The following STARD9 variants were observed in gnomAD, a reference collection of about 807,000 sequenced individuals.
The protein encoded by STARD9 is StAR related lipid transfer domain containing 9, also known as stAR-related lipid transfer protein 9.
Under a neutral mutation model 399.8 loss-of-function variants are expected in STARD9, and 346 were observed. The ratio of observed to expected loss-of-function variants is 0.87; its 90% confidence interval spans 0.79 to 0.95. The LOEUF (loss-of-function observed/expected upper bound fraction) is 0.95, where lower values mean the gene tolerates loss of function less well. Among genes scored for constraint, STARD9 ranks in the 40% least tolerant of loss-of-function variants. The pLI, the probability that STARD9 is intolerant of heterozygous loss-of-function variation, is 0.00. For missense variants in STARD9, 5,832 were observed against 5,667.5 expected, an observed-to-expected ratio of 1.03 and a Z score of -0.93; for synonymous variants, 2,203 against 2,143.5, an observed-to-expected ratio of 1.03 and a Z score of -0.77.
chr15:42,646,038 G>A (rs917888458), intron 7 of STARD9, among the ~76,000 whole-genome samples: 1 of 152,066 alleles, frequency 6.6e-6, no homozygotes, highest in Non-Finnish European at 1.5e-5. Flanking sequence ...GCTGGTGCCT[G>A]TAATTCCAGC....
chr15:42,690,909 C>A lies in STARD9; in HGVS notation c.9331C>A (p.Pro3111Thr). 2 of 1,537,116 alleles carry A rather than the reference C, an allele frequency of 1.3e-6. No individual in the cohort carries two copies. Among genetic ancestry groups the A allele is most frequent in the Middle Eastern group, 1.7e-4 (1 of 5,990 alleles). Residue 3111 changes from proline (P) to threonine (T), a missense_variant, in exon 23 of 33, where the codon CCC becomes ACC. Coordinates refer to ENST00000290607, the MANE Select transcript of STARD9 (RefSeq NM_020759.3). ...TTTCCCTGCAGGCATGTACTCTGAGCCCCTGAGGCAGTTTAGGGACAGCTC... is the reference window on the plus strand; with the variant it reads ...TTTCCCTGCAGGCATGTACTCTGAGACCCTGAGGCAGTTTAGGGACAGCTC... ...ASFPAGMYSEPLRQFRDSSVG... is the reference protein window; with the variant it reads ...ASFPAGMYSETLRQFRDSSVG...
intron 3 of STARD9, among the ~76,000 whole-genome samples, chr15:42,624,553 CTT>C (rs11314415): frequency 7.0e-5 from 10 of 142,760 alleles, no homozygotes; most frequent in South Asian, 2.2e-4. Context: ...TTTCTGTTGT[CTT>C]TTTTTTTTTT....
chr15:42,593,896 C>A (rs1037735636), intron 3 of STARD9, among the ~76,000 whole-genome samples: 86 of 151,812 alleles, frequency 5.7e-4, no homozygotes, highest in African/African-American at 2.0e-3. Context: ...TCTTGATCTC[C>A]TGACCTCATG....
intron 3 of STARD9, among the ~76,000 whole-genome samples, chr15:42,610,635 G>A (rs1490155926): frequency 6.6e-6 from 1 of 152,016 alleles, no homozygotes. Context: ...TGCAACCTCC[G>A]CCGCCCGGGT....
rs1480665710 is a variant in STARD9, at chr15:42,694,426, T to A, written c.12764+84T>A. The A allele has an allele frequency of 3.3e-6, 5 of 1,527,122 alleles. No individual in the cohort carries two copies. The Admixed American group carries it at 7.8e-5, about 24-fold the overall frequency. The allele number at this position is 1,527,122 out of a possible 1,614,324, so 94.6% of individuals were successfully genotyped here. A position where few individuals can be genotyped will look rare whatever the true frequency, so the allele number is the denominator to read the frequency against. On this transcript the variant is annotated intron_variant, in intron 23 of 32. Coordinates refer to ENST00000290607, the MANE Select transcript of STARD9 (RefSeq NM_020759.3). ...CCAAGAAAGCTAATAGCTTGCTGTTTCCTCTGCCCTGGTTCATCTCTGGGA... is the reference window on the plus strand; with the variant it reads ...CCAAGAAAGCTAATAGCTTGCTGTTACCTCTGCCCTGGTTCATCTCTGGGA...
chr15:42,693,453 G>A lies in STARD9; in HGVS notation c.11875G>A (p.Gly3959Ser). 6.5e-7 allele frequency: 1 copy of A among 1,537,240 alleles called. No homozygotes were observed. Among genetic ancestry groups the A allele is most frequent in the Non-Finnish European group, 8.7e-7 (1 of 1,146,914 alleles). The stretch of plus-strand genomic sequence containing the variant: ...TTATTCCCAAACCACTGACGAGTTA[G>A]GTGGCTCCCAGAGAGGTAGAAGTTC... ...DNYSQTTDEL[G>S]GSQRGRSSLQ... Residue 3959 changes from glycine to serine, a missense_variant, in exon 23 of 33, where the codon GGT (glycine) becomes AGT (serine). Around this residue, in one of 2 missense-constraint regions of STARD9, gnomAD observed 5,828 missense variants for 5,651.1 expected, o/e 1.03. Transcript: ENST00000290607.
intron 3 of STARD9, among the ~76,000 whole-genome samples, chr15:42,592,351 T>C (rs1451966629): frequency 1.3e-5 from 2 of 152,164 alleles, no homozygotes; most frequent in African/African-American, 4.8e-5. Flanking sequence ...AAGACTATAG[T>C]GAATGGGATG....
chr15:42,693,565 T>C lies in STARD9; in HGVS notation c.11987T>C (p.Leu3996Ser). The C allele has an allele frequency of 6.5e-7, 1 of 1,537,270 alleles. No individual in the cohort carries two copies. Among genetic ancestry groups the C allele is most frequent in the South Asian group, 1.2e-5 (1 of 84,054 alleles). The change falls in exon 23 of 33, where the codon TTA becomes TCA. Residue 3996 changes from leucine (L) to serine (S), a missense_variant. Leu to Ser is a moderately radical substitution (Grantham distance 145). Transcript: ENST00000290607. ...AGTCCAAAACTCCAATTTAGTTTCT[T>C]AGGGCAGCACCCTCAGCAGCTTCAG... The part of the protein sequence containing the change: ...QQSPKLQFSF[L>S]GQHPQQLQPR...
intron 26 of STARD9, among the ~76,000 whole-genome samples, chr15:42,711,586 A>G (rs1022837070): frequency 2.0e-5 from 3 of 152,170 alleles, no homozygotes; most frequent in Admixed American, 6.5e-5. Flanking sequence ...ATACTTCAAC[A>G]TATTTTCAGT....
chr15:42,691,117 A>G lies in STARD9; in HGVS notation c.9539A>G (p.Glu3180Gly), dbSNP rs1010689645. 2.6e-6 allele frequency: 4 copies of G among 1,537,142 alleles called. No homozygotes were observed. The African/African-American group carries it at 5.5e-5, about 21-fold the overall frequency. The change falls in exon 23 of 33, where the codon GAG becomes GGG. Residue 3180 changes from glutamate (E) to glycine (G), a missense_variant. Glu to Gly is a moderately conservative substitution (Grantham distance 98). Transcript: ENST00000290607. ...CFLEKPQFST[E>G]LRDHNRLDSQ... ...TTGGAAAAGCCACAATTTTCCACTG[A>G]GTTGAGGGATCACAATCGCTTGGAT...
At chr15:42,713,802 G>T (rs2061297059) in intron 26 of STARD9, among the ~76,000 whole-genome samples, 1 of 151,998 alleles carries the variant, frequency 6.6e-6, no homozygotes, top group African/African-American at 2.4e-5. Context: ...ATTTTGTTGA[G>T]GATTTGTGTG....
intron 23 of STARD9, 87 bp from the exon 24 acceptor site, chr15:42,694,441 C>T: frequency 6.6e-7 from 1 of 1,519,820 alleles, no homozygotes; most frequent in Non-Finnish European, 8.8e-7. Context: ...TGCCCTGGTT[C>T]ATCTCTGGGA....
chr15:42,584,232 T>G (rs963143959), intron 2 of STARD9, among the ~76,000 whole-genome samples: 1 of 152,198 alleles, frequency 6.6e-6, no homozygotes, highest in Non-Finnish European at 1.5e-5. Flanking sequence ...CAGTCATGCC[T>G]GCTCTCTTGT....
chr15:42,612,033 A>G (rs559133402), intron 3 of STARD9, among the ~76,000 whole-genome samples: 11 of 152,256 alleles, frequency 7.2e-5, no homozygotes, highest in Admixed American at 2.0e-4. Context: ...CAGTGGCACA[A>G]TCATGGCTCA....
chr15:42,578,337 C>T (rs1226510411), intron 1 of STARD9, among the ~76,000 whole-genome samples: 1 of 152,090 alleles, frequency 6.6e-6, no homozygotes, highest in Non-Finnish European at 1.5e-5. Flanking sequence ...TCTCAAACTC[C>T]TGACCTCACC....
intron 3 of STARD9, 140 bp from the exon 4 acceptor site, chr15:42,634,716 A>G (rs1328365201): frequency 9.4e-6 from 5 of 533,010 alleles, no homozygotes; most frequent in Non-Finnish European, 1.3e-5. Flanking sequence ...ATGAAGCTAA[A>G]TTGATTCTTA....
Position 42,694,153 on chromosome 15 carries a change from C to G in STARD9, c.12575C>G (p.Ser4192Cys). The G allele has an allele frequency of 6.5e-7, 1 of 1,535,390 alleles. No individual in the cohort carries two copies. Among genetic ancestry groups the G allele is most frequent in the East Asian group, 2.4e-5 (1 of 40,890 alleles). ...GACCACAGCCAGGATTCTGAGTGGTCCAAGAGGGAGCAGATCCCCCTGCAA... is the reference window on the plus strand; with the variant it reads ...GACCACAGCCAGGATTCTGAGTGGTGCAAGAGGGAGCAGATCCCCCTGCAA... ...PNDHSQDSEW[S>C]KREQIPLQVG... is the part of the protein sequence containing the mutation. Residue 4192 changes from serine (S) to cysteine (C), a missense_variant, in exon 23 of 33, where the codon TCC becomes TGC. Transcript: ENST00000290607.
chr15:42,684,658 C>A lies in STARD9; in HGVS notation c.3080C>A (p.Thr1027Asn). ...GCTGGGCACGGAAAGGCAGTCAAGA[C>A]TTTTTGGACAGAATACAAACCACCT... ...QTAGHGKAVK[T>N]FWTEYKPPSP... is the part of the protein sequence containing the mutation. Residue 1027 changes from threonine to asparagine, a missense_variant, in exon 23 of 33, where the codon ACT becomes AAT. By Grantham distance (65) the Thr-to-Asn change is moderately conservative. Around this residue, in one of 2 missense-constraint regions of STARD9, gnomAD observed 5,828 missense variants for 5,651.1 expected, o/e 1.03. Coordinates refer to ENST00000290607, the MANE Select transcript of STARD9 (RefSeq NM_020759.3). 1 of 1,537,172 alleles carries A rather than the reference C, an allele frequency of 6.5e-7. No individual in the cohort carries two copies. The highest frequency in any genetic ancestry group is 8.7e-7 in the Non-Finnish European group (1 of 1,146,884).
At chr15:42,583,542 A>C in intron 2 of STARD9, 127 bp downstream of exon 2, 1 of 614,916 alleles carries the variant, frequency 1.6e-6, no homozygotes, top group Non-Finnish European at 2.8e-6. Flanking sequence ...TAAGAGGAAT[A>C]GGGGGAGGAG....
Sources: gnomAD v4.1 joint callset for allele counts (sites outside exome capture counted in the v4.1 genomes callset) on GRCh38, gnomAD v4.1.1 for gene constraint, gnomAD v4.1.1 regional missense constraint, MANE v1.5 for transcripts, NCBI Gene and HGNC (gene_info 2026-07-23, HGNC 2026-07-21) for gene names.